Variants in DAB1 observed in about 807,000 individuals in gnomAD.
The protein encoded by DAB1 is DAB adaptor protein 1.
A neutral mutation model predicts 64.6 loss-of-function variants in DAB1; 15 were observed. The ratio of observed to expected loss-of-function variants is 0.23; its 90% CI spans 0.16 to 0.36. The LOEUF is 0.36. Among genes scored for constraint, DAB1 ranks in the 10% least tolerant of loss-of-function variants. The pLI is 1.00. For synonymous variants in DAB1, 235 were observed against 251.9 expected (o/e 0.93, Z 0.64); for missense variants, 596 against 706.7 (o/e 0.84, Z 1.78).
chr1:57,665,210 CACTT>C (rs1007416201), intron 6 of DAB1, among the ~76,000 whole-genome samples: 5 of 151,910 alleles, frequency 3.3e-5, no homozygotes, highest in Non-Finnish European at 5.9e-5. Context: ...ATAAATAAAA[CACTT>C]AATACAATGA....
At chr1:57,152,415 G>T (rs150408666) in intron 2 of DAB1, among the ~76,000 whole-genome samples, 1 of 152,310 alleles carries the variant, frequency 6.6e-6, no homozygotes, top group East Asian at 1.9e-4. Context: ...AGTAATCCGA[G>T]AATTGAATTT....
intron 1 of DAB1, among the ~76,000 whole-genome samples, chr1:57,413,582 A>G (rs1287850418): frequency 6.6e-6 from 1 of 151,952 alleles, no homozygotes; most frequent in Admixed American, 6.6e-5. Flanking sequence ...TCTACTAAAA[A>G]TACAAAAAGA....
chr1:57,089,026 T>C (rs1490737159), intron 4 of DAB1, among the ~76,000 whole-genome samples: 1 of 152,236 alleles, frequency 6.6e-6, no homozygotes, highest in Non-Finnish European at 1.5e-5. Flanking sequence ...TCACAAGCAA[T>C]GTACACCTGG....
chr1:58,195,264 G>A (rs1336610990), intron 4 of DAB1, among the ~76,000 whole-genome samples: 5 of 152,172 alleles, frequency 3.3e-5, no homozygotes, highest in Non-Finnish European at 7.3e-5. Flanking sequence ...AATGCAACGA[G>A]AGATACTTCG....
intron 4 of DAB1, among the ~76,000 whole-genome samples, chr1:57,135,467 C>T (rs1391696285): frequency 1.3e-5 from 2 of 152,188 alleles, no homozygotes; most frequent in Non-Finnish European, 2.9e-5. Context: ...TAGAATTTCA[C>T]TGTATGTATA....
chr1:57,278,739 G>A (rs1361572366), intron 2 of DAB1, among the ~76,000 whole-genome samples: 2 of 152,160 alleles, frequency 1.3e-5, no homozygotes, highest in Non-Finnish European at 2.9e-5. Context: ...CAAGCAAGGC[G>A]ATGTGTTCAA....
At chr1:57,943,397 A>C (rs74765664) in intron 5 of DAB1, among the ~76,000 whole-genome samples, 1 of 152,328 alleles carries the variant, frequency 6.6e-6, no homozygotes, top group African/African-American at 2.4e-5. Flanking sequence ...TGTGTGTTAC[A>C]TGGCAAAGGG....
chr1:58,451,212 C>T (rs1311045460), intron 3 of DAB1, among the ~76,000 whole-genome samples: 1 of 152,228 alleles, frequency 6.6e-6, no homozygotes, highest in African/African-American at 2.4e-5. Flanking sequence ...GCCTTAGCCT[C>T]CCAAGTAGAG....
At chr1:58,310,227 C>T (rs1662396280) in intron 4 of DAB1, among the ~76,000 whole-genome samples, 1 of 152,294 alleles carries the variant, frequency 6.6e-6, no homozygotes, top group African/African-American at 2.4e-5. Flanking sequence ...TATGCCATCT[C>T]TGAACACCTA....
chr1:57,205,271 C>A (rs1377654236), intron 2 of DAB1, among the ~76,000 whole-genome samples: 1 of 152,160 alleles, frequency 6.6e-6, no homozygotes, highest in Non-Finnish European at 1.5e-5. Context: ...AAAGTCCTAC[C>A]CCAGCAGTAA....
intron 3 of DAB1, among the ~76,000 whole-genome samples, chr1:58,403,411 A>T (rs1644589878): frequency 6.6e-6 from 1 of 152,202 alleles, no homozygotes. Flanking sequence ...AATTTTCCTA[A>T]GACTTTTCCC....
intron 6 of DAB1, among the ~76,000 whole-genome samples, chr1:57,813,803 G>C (rs552996060): frequency 1.1e-4 from 16 of 152,314 alleles, no homozygotes; most frequent in Admixed American, 8.5e-4. Context: ...GGAATTTATT[G>C]CATCGAAGCC....
At chr1:57,414,628 T>A (rs72909233) in intron 1 of DAB1, among the ~76,000 whole-genome samples, 14,367 of 152,226 alleles carry the variant, frequency 0.094, 784 homozygotes, top group Admixed American at 0.12. Flanking sequence ...TATTTAATAG[T>A]AAGCATTCAA....
chr1:57,697,365 G>A (rs1441244063), intron 6 of DAB1, among the ~76,000 whole-genome samples: 1 of 146,690 alleles, frequency 6.8e-6, no homozygotes, highest in African/African-American at 2.5e-5. Flanking sequence ...ATAAAAACTG[G>A]GATAATAAGC....
intron 5 of DAB1, among the ~76,000 whole-genome samples, chr1:58,019,695 T>C (rs564006703): frequency 1.2e-4 from 18 of 152,336 alleles, no homozygotes; most frequent in African/African-American, 3.8e-4. Context: ...GTCTGTCTGA[T>C]ACTCAGACCA....
chr1:57,007,913 A>C (rs1435587372), intron 14 of DAB1, among the ~76,000 whole-genome samples: 53 of 152,206 alleles, frequency 3.5e-4, no homozygotes. Flanking sequence ...GGAGATGGAA[A>C]GATTAAATGT....
At chr1:57,795,830 AC>A (rs1443569268) in intron 6 of DAB1, among the ~76,000 whole-genome samples, 1 of 150,370 alleles carries the variant, frequency 6.7e-6, no homozygotes, top group Admixed American at 6.6e-5. Context: ...ATCACTTAAA[AC>A]TATAATGCTG....
chr1:57,012,446 C>T (rs1411183335), intron 12 of DAB1, among the ~76,000 whole-genome samples: 2 of 152,174 alleles, frequency 1.3e-5, no homozygotes, highest in Non-Finnish European at 2.9e-5. Context: ...AGGGTTAACA[C>T]AGCTATGAAA....
intron 1 of DAB1, among the ~76,000 whole-genome samples, chr1:57,336,578 A>G (rs1395514336): frequency 1.3e-5 from 2 of 152,176 alleles, no homozygotes; most frequent in Non-Finnish European, 2.9e-5. Context: ...TAATCTACAC[A>G]ACAGCTCTAG....
Sources: gnomAD v4.1 joint callset for allele counts (sites outside exome capture counted in the v4.1 genomes callset) on GRCh38, gnomAD v4.1.1 for gene constraint, MANE v1.5 for transcripts, NCBI Gene and HGNC (gene_info 2026-07-23, HGNC 2026-07-21) for gene names.